Variants in RIMS2 observed in about 807,000 individuals in gnomAD.
RIMS2 encodes regulating synaptic membrane exocytosis 2.
Under a neutral mutation model 174.4 loss-of-function variants are expected in RIMS2, and 59 were observed. The observed-to-expected ratio is 0.34, with a 90% CI of 0.27 to 0.42. RIMS2 has a LOEUF of 0.42. RIMS2 is among the 10% of genes least tolerant of loss of function. RIMS2 has a pLI of 1.00. For synonymous variants in RIMS2, 606 were observed against 572.5 expected (o/e 1.06, Z -0.84); for missense variants, 1,620 against 1,666.3 (o/e 0.97, Z 0.48).
chr8:103,821,888 G>T (rs971505814), intron 3 of RIMS2, among the ~76,000 whole-genome samples: 25 of 151,496 alleles, frequency 1.7e-4, no homozygotes, highest in African/African-American at 6.0e-4. Flanking sequence ...CAAGAATTTA[G>T]ATTTTTTTTC....
chr8:104,164,382 T>C (rs970288490), intron 19 of RIMS2, among the ~76,000 whole-genome samples: 9 of 149,570 alleles, frequency 6.0e-5, no homozygotes, highest in Admixed American at 4.7e-4. Flanking sequence ...TCTGCATTCA[T>C]TTGATTTATT....
intron 3 of RIMS2, among the ~76,000 whole-genome samples, chr8:103,857,251 A>C (rs943919162): frequency 1.3e-5 from 2 of 152,204 alleles, no homozygotes; most frequent in African/African-American, 4.8e-5. Flanking sequence ...AAAACTGCGG[A>C]CATGGCTAGT....
chr8:103,726,886 G>T (rs908411871), intron 2 of RIMS2, among the ~76,000 whole-genome samples: 1 of 150,614 alleles, frequency 6.6e-6, no homozygotes, highest in Non-Finnish European at 1.5e-5. Flanking sequence ...TTATAGGCAC[G>T]TGCCATCATG....
At chr8:103,956,741 A>C (rs977635546) in intron 14 of RIMS2, among the ~76,000 whole-genome samples, 1 of 152,232 alleles carries the variant, frequency 6.6e-6, no homozygotes, top group Admixed American at 6.5e-5. Context: ...AAAAGCCAAA[A>C]TAGACAAATA....
At chr8:103,819,324 A>G in intron 3 of RIMS2, 2 of 1,437,270 alleles carry the variant, frequency 1.4e-6, no homozygotes, top group Non-Finnish European at 9.1e-7. Context: ...CTACGACTGA[A>G]TTAGAAGAAT....
chr8:103,840,272 G>C (rs2098931588), intron 3 of RIMS2, among the ~76,000 whole-genome samples: 2 of 152,040 alleles, frequency 1.3e-5, no homozygotes, highest in Admixed American at 1.3e-4. Context: ...CCAGTTTGTG[G>C]CTATCATGAT....
At chr8:103,890,090 T>C (rs955827875) in intron 4 of RIMS2, among the ~76,000 whole-genome samples, 7 of 152,034 alleles carry the variant, frequency 4.6e-5, no homozygotes, top group African/African-American at 1.7e-4. Flanking sequence ...CATCATACAG[T>C]ATTCAAATCA....
intron 19 of RIMS2, among the ~76,000 whole-genome samples, chr8:104,071,138 C>G (rs1378892254): frequency 1.3e-5 from 2 of 152,040 alleles, no homozygotes; most frequent in Non-Finnish European, 2.9e-5. Context: ...TTGGATGGAC[C>G]AAAGGAATAC....
chr8:104,220,102 A>C (rs1268951815), intron 19 of RIMS2, among the ~76,000 whole-genome samples: 2 of 152,150 alleles, frequency 1.3e-5, no homozygotes, highest in Admixed American at 1.3e-4. Context: ...GTTGTCATTC[A>C]AGACTAGAAG....
intron 1 of RIMS2, among the ~76,000 whole-genome samples, chr8:103,540,112 C>T (rs1841826574): frequency 6.6e-6 from 1 of 152,230 alleles, no homozygotes; most frequent in Non-Finnish European, 1.5e-5. Context: ...AGTACCATTT[C>T]TGCCCTGGAT....
At chr8:104,066,050 G>A (rs994117996) in intron 19 of RIMS2, among the ~76,000 whole-genome samples, 5 of 152,142 alleles carry the variant, frequency 3.3e-5, no homozygotes, top group African/African-American at 9.7e-5. Context: ...ATGCCAGAGA[G>A]CAAATCTGAC....
At chr8:103,952,445 C>T (rs1353224736) in intron 14 of RIMS2, among the ~76,000 whole-genome samples, 1 of 152,188 alleles carries the variant, frequency 6.6e-6, no homozygotes, top group East Asian at 1.9e-4. Context: ...TCTGCAGCCT[C>T]TGCTGGTGAC....
At chr8:103,815,933 T>C (rs558255011) in intron 3 of RIMS2, among the ~76,000 whole-genome samples, 9 of 152,308 alleles carry the variant, frequency 5.9e-5, no homozygotes, top group Non-Finnish European at 1.0e-4. Context: ...ATAGCTCAGA[T>C]ACATAAAGTA....
intron 10 of RIMS2, among the ~76,000 whole-genome samples, chr8:103,924,711 A>G (rs774153160): frequency 1.1e-4 from 16 of 151,714 alleles, no homozygotes; most frequent in Admixed American, 6.6e-4. Flanking sequence ...CATGTCTCAA[A>G]TAGAAAATAT....
intron 2 of RIMS2, among the ~76,000 whole-genome samples, chr8:103,757,148 A>C (rs1319368241): frequency 2.0e-5 from 3 of 152,132 alleles, no homozygotes; most frequent in African/African-American, 7.2e-5. Flanking sequence ...TTTAAAAGGA[A>C]TGCTCTTACC....
intron 1 of RIMS2, among the ~76,000 whole-genome samples, chr8:103,598,564 G>T (rs1563943238): frequency 6.6e-6 from 1 of 152,142 alleles, no homozygotes; most frequent in Non-Finnish European, 1.5e-5. Flanking sequence ...GGCAGCAAGT[G>T]GTTAATGAAT....
At chr8:103,752,764 G>T (rs547554834) in intron 2 of RIMS2, among the ~76,000 whole-genome samples, 1 of 152,240 alleles carries the variant, frequency 6.6e-6, no homozygotes, top group East Asian at 1.9e-4. Context: ...GCATGCTTGT[G>T]ATTTTTGTAC....
intron 3 of RIMS2, among the ~76,000 whole-genome samples, chr8:103,825,648 A>G (rs1047413832): frequency 1.3e-5 from 2 of 151,932 alleles, no homozygotes; most frequent in Non-Finnish European, 2.9e-5. Flanking sequence ...TTTCCTGTTC[A>G]TTGCTGAATA....
intron 13 of RIMS2, among the ~76,000 whole-genome samples, chr8:103,940,048 AC>A: frequency 6.6e-6 from 1 of 152,026 alleles, no homozygotes; most frequent in Non-Finnish European, 1.5e-5. Context: ...AACTGTTCCA[AC>A]CCCTGCCCAT....
Sources: gnomAD v4.1 joint callset for allele counts (sites outside exome capture counted in the v4.1 genomes callset) on GRCh38, gnomAD v4.1.1 for gene constraint, MANE v1.5 for transcripts, NCBI Gene and HGNC (gene_info 2026-07-23, HGNC 2026-07-21) for gene names.